The following AP3B2 variants were observed in gnomAD, a reference collection of about 807,000 sequenced individuals.
AP3B2 encodes the protein adaptor related protein complex 3 subunit beta 2.
Under a neutral mutation model 126.9 loss-of-function variants are expected in AP3B2, and 50 were observed. That is an observed-to-expected ratio of 0.39 (90% CI 0.31 to 0.50). AP3B2 has a LOEUF of 0.50. AP3B2 is among the 20% of genes least tolerant of loss of function. AP3B2 has a pLI of 0.79. For missense variants in AP3B2, 1,177 were observed against 1,426.4 expected (o/e 0.83, Z 2.82); for synonymous variants, 541 against 565.0 (o/e 0.96, Z 0.60).
chr15:82,677,233 G>A, intron 13 of AP3B2, 41 bp downstream of exon 13: 7 of 1,469,896 alleles, frequency 4.8e-6, no homozygotes, highest in Non-Finnish European at 4.7e-6. Flanking sequence ...ATCATGGGGA[G>A]GACCTTGAAG....
At chr15:82,690,270 T>C (rs908458640) in intron 1 of AP3B2, among the ~76,000 whole-genome samples, 1 of 152,134 alleles carries the variant, frequency 6.6e-6, no homozygotes, top group Non-Finnish European at 1.5e-5. Flanking sequence ...TTTTTAATTA[T>C]ACTTTTAAGT....
Position 82,680,634 on chromosome 15 carries a change from A to G in AP3B2, c.893T>C (p.Met298Thr), listed in dbSNP as rs1334248190. The G allele has an allele frequency of 3.1e-6, 5 of 1,596,000 alleles. No individual in the cohort carries two copies. The South Asian group carries it at 3.3e-5, about 11-fold the overall frequency. The change falls in exon 8 of 27, where the codon ATG (methionine) becomes ACG (threonine). Residue 298 changes from methionine to threonine, a missense_variant. By Grantham distance (81) the Met-to-Thr change is moderately conservative (BLOSUM62 -1). Coordinates refer to ENST00000535359, the MANE Select transcript of AP3B2 (RefSeq NM_001278512.2). The surrounding 1 kb of genome is among the most constrained non-coding windows in gnomAD (Gnocchi z 6.1). ...AAAPSRKPYV[M>T]DPDHRLLLRN... ...CAGCAGCAGCCGGTGGTCGGGGTCC[A>G]TGACATAGGGCTTTCGGGAGGGGGC... is the stretch of plus-strand genomic sequence containing the variant.
rs2047976210 is a variant in AP3B2, at chr15:82,662,814, G to A, written c.2713C>T (p.Pro905Ser). The A allele has an allele frequency of 1.2e-6, 2 of 1,613,672 alleles. No homozygotes were observed. Among genetic ancestry groups the A allele is most frequent in the African/African-American group, 2.7e-5 (2 of 74,932 alleles). Residue 905 changes from proline (P) to serine (S), a missense_variant, in exon 23 of 27, where the codon CCC becomes TCC. Pro to Ser is a moderately conservative substitution (Grantham distance 74). Coordinates refer to ENST00000535359, the MANE Select transcript of AP3B2 (RefSeq NM_001278512.2). ...TFSRQPFSGD[P>S]HMVSVHIHFS... ...TGGATGTGCACGGACACCATGTGGGGATCCCCGGAGAAAGGTTGGCGGCTG... is the reference window on the plus strand; with the variant it reads ...TGGATGTGCACGGACACCATGTGGGAATCCCCGGAGAAAGGTTGGCGGCTG...
chr15:82,709,118 A>AG (rs2151465690), intron 1 of AP3B2, among the ~76,000 whole-genome samples: 1 of 152,122 alleles, frequency 6.6e-6, no homozygotes, highest in East Asian at 1.9e-4. Context: ...GACCAGAGGG[A>AG]GGGGAAATGA....
intron 4 of AP3B2, among the ~76,000 whole-genome samples, chr15:82,682,049 T>C (rs1041872370): frequency 1.0e-5 from 1 of 98,650 alleles, no homozygotes; most frequent in Non-Finnish European, 2.0e-5. Flanking sequence ...GGCCCTTCCT[T>C]TTTTTTTTTT....
At chr15:82,662,628 G>A in intron 23 of AP3B2, 66 bp downstream of exon 23, 4 of 1,458,458 alleles carry the variant, frequency 2.7e-6, no homozygotes, top group South Asian at 1.3e-5. Context: ...GAGGGTATCA[G>A]CAACCACAGA....
Position 82,665,595 on chromosome 15 carries a change from T to TTA in AP3B2, c.1853-21_1853-20insTA, listed in dbSNP as rs2048044194. The TTA allele has an allele frequency of 1.9e-6, 3 of 1,583,648 alleles. No individual in the cohort carries two copies. The highest frequency in any genetic ancestry group is 2.6e-6 in the Non-Finnish European group (3 of 1,153,834). On this transcript the variant is annotated intron_variant, in intron 15 of 26. Transcript: ENST00000535359. The surrounding 1 kb of genome is among the most constrained non-coding windows in gnomAD (Gnocchi z 4.4). ...CCCGGTCTAGGGATAGGTTTAGAGG[T>TTA]CAGGCAGGTAGCAGCAGTGAGGGAA...
At chr15:82,662,329 ACTCTC>A in intron 23 of AP3B2, 77 bp from the exon 24 acceptor site, 1 of 1,123,934 alleles carries the variant, frequency 8.9e-7, no homozygotes, top group Non-Finnish European at 1.3e-6. Flanking sequence ...GCCTAGCCCT[ACTCTC>A]CTCTCCACTG....
At position 82,680,558 on chromosome 15, in the gene AP3B2, C is replaced by T; in HGVS notation, c.969G>A (p.Ala323=). 5 of 1,575,172 alleles carry T rather than the reference C, an allele frequency of 3.2e-6. No homozygotes were observed. The highest frequency in any genetic ancestry group is 4.3e-6 in the Non-Finnish European group (5 of 1,168,018). Residue 323 remains alanine, a synonymous_variant, in exon 8 of 27, where the codon GCG becomes GCA. Transcript: ENST00000535359. The surrounding 1 kb of genome is among the most constrained non-coding windows in gnomAD (Gnocchi z 6.1). ...LQSRSAAVVM[A]VAQLYFHLAP... is the part of the protein sequence containing the mutation. Reference sequence around the variant, plus strand: ...CCAGGTGGAAGTAGAGCTGCGCCACCGCCATCACCACCGCGGCGCTGCGGC... The same window carrying T: ...CCAGGTGGAAGTAGAGCTGCGCCACTGCCATCACCACCGCGGCGCTGCGGC...
chr15:82,665,589 T>G lies in AP3B2; in HGVS notation c.1853-14A>C, dbSNP rs2151430125. ...AGTGGTCCCGGTCTAGGGATAGGTTTAGAGGTCAGGCAGGTAGCAGCAGTG... is the reference window on the plus strand; with the variant it reads ...AGTGGTCCCGGTCTAGGGATAGGTTGAGAGGTCAGGCAGGTAGCAGCAGTG... On this transcript the variant is annotated splice_polypyrimidine_tract_variant and intron_variant, in intron 15 of 26. Transcript: ENST00000535359. This position sits in a 1 kb window ranked among gnomAD's most constrained non-coding sequence, Gnocchi z 4.4. 6.3e-7 allele frequency: 1 copy of G among 1,597,014 alleles called. No individual in the cohort carries two copies. Among genetic ancestry groups the G allele is most frequent in the Non-Finnish European group, 8.6e-7 (1 of 1,165,316 alleles).
intron 1 of AP3B2, among the ~76,000 whole-genome samples, chr15:82,707,371 G>A (rs1180865283): frequency 6.6e-6 from 1 of 152,174 alleles, no homozygotes; most frequent in Admixed American, 6.5e-5. Context: ...TCAAGCTCCT[G>A]TATAGATGCT....
At chr15:82,708,334 C>A (rs1042689867) in intron 1 of AP3B2, among the ~76,000 whole-genome samples, 2 of 152,086 alleles carry the variant, frequency 1.3e-5, no homozygotes, top group African/African-American at 4.8e-5. Context: ...CTGGCCTGCA[C>A]CCAAGTGATT....
chr15:82,679,927 T>G (rs2048304872), intron 9 of AP3B2, 127 bp from the exon 10 acceptor site: 1 of 953,270 alleles, frequency 1.0e-6, no homozygotes, highest in Admixed American at 2.1e-5. Context: ...CCTCCACTCC[T>G]CAAGTCTTCC....
chr15:82,663,346 G>A, intron 21 of AP3B2, 113 bp from the exon 22 acceptor site: 1 of 1,026,650 alleles, frequency 9.7e-7, no homozygotes, highest in Non-Finnish European at 1.5e-6. Context: ...GGGGCACATG[G>A]CTGCCTGGAG....
chr15:82,697,289 G>C (rs546557765), intron 1 of AP3B2, among the ~76,000 whole-genome samples: 2 of 151,940 alleles, frequency 1.3e-5, no homozygotes, highest in Non-Finnish European at 2.9e-5. Flanking sequence ...AGCCAAGATC[G>C]CGCCACTGCA....
intron 14 of AP3B2, among the ~76,000 whole-genome samples, chr15:82,670,602 T>G (rs1475600802): frequency 6.6e-6 from 1 of 152,118 alleles, no homozygotes; most frequent in Non-Finnish European, 1.5e-5. Flanking sequence ...ATGAAACTAA[T>G]AAAAGAAAAC....
At position 82,664,268 on chromosome 15, in the gene AP3B2, C is replaced by A; in HGVS notation, c.2261+99G>T. ...ACAGCCCCACCCAGCTCACGAGGGG[C>A]TCAGGGGCTCTTAGGAGACTGGCTA... On this transcript the variant is annotated intron_variant, in intron 19 of 26. Coordinates refer to ENST00000535359, the MANE Select transcript of AP3B2 (RefSeq NM_001278512.2). This position sits in a 1 kb window ranked among gnomAD's most constrained non-coding sequence, Gnocchi z 4.5. 1 of 1,579,798 alleles carries A rather than the reference C, an allele frequency of 6.3e-7. No individual in the cohort carries two copies. The highest frequency in any genetic ancestry group is 8.6e-7 in the Non-Finnish European group (1 of 1,162,838).
rs1567252747 is a variant in AP3B2, at chr15:82,659,608, C to G, written c.3258G>C (p.Val1086=). The G allele has an allele frequency of 6.2e-7, 1 of 1,613,974 alleles. No individual in the cohort carries two copies. Among genetic ancestry groups the G allele is most frequent in the Non-Finnish European group, 8.5e-7 (1 of 1,179,890 alleles). Residue 1086 remains valine (V), a synonymous_variant, in exon 27 of 27, where the codon GTG becomes GTC. Transcript: ENST00000535359. ...CATCCTTTACCAGCATGGTGCCAAT[C>G]ACCATTTTCTCGCTGTTGACAGTCA... The part of the protein sequence containing the change: ...AQLTVNSEKM[V]IGTMLVKDVI...
At chr15:82,660,074 G>T in intron 25 of AP3B2, 91 bp from the exon 26 acceptor site, 1 of 1,477,964 alleles carries the variant, frequency 6.8e-7, no homozygotes, top group Non-Finnish European at 9.2e-7. Flanking sequence ...GTTCTCCCAG[G>T]CTGGGAAGGT....
Sources: allele counts gnomAD v4.1 joint callset (sites outside exome capture counted in the v4.1 genomes callset), GRCh38; gene constraint gnomAD v4.1.1; non-coding constraint Gnocchi (gnomAD v3.1); transcripts MANE v1.5; gene names NCBI Gene and HGNC (gene_info 2026-07-23, HGNC 2026-07-21).